Variants in TNRC6A observed in about 807,000 individuals in gnomAD.
TNRC6A encodes trinucleotide repeat containing adaptor 6A.
In TNRC6A, 44 loss-of-function variants were observed where a neutral mutation model predicts 221.2. The observed-to-expected ratio is 0.20, with a 90% CI of 0.16 to 0.26. The LOEUF (loss-of-function observed/expected upper bound fraction) is 0.26, where lower values mean the gene tolerates loss of function less well. Among genes scored for constraint, TNRC6A ranks in the 10% least tolerant of loss-of-function variants. TNRC6A has a pLI of 1.00. For missense variants in TNRC6A, 2,199 were observed against 2,404.4 expected (o/e 0.91, Z 1.79); for synonymous variants, 847 against 838.5 (o/e 1.01, Z -0.18).
intron 15 of TNRC6A, 74 bp downstream of exon 15, chr16:24,805,807 C>T: frequency 3.8e-6 from 6 of 1,587,108 alleles, no homozygotes; most frequent in South Asian, 2.3e-5. Flanking sequence ...AGACTCTGTG[C>T]GGGACATAGT....
chr16:24,719,710 G>A (rs778387780), intron 2 of TNRC6A, among the ~76,000 whole-genome samples: 4 of 151,786 alleles, frequency 2.6e-5, no homozygotes, highest in Non-Finnish European at 5.9e-5. Context: ...GTGTGGTAGT[G>A]TCCGTCTGTA....
At chr16:24,777,814 T>G (rs2057757895) in intron 5 of TNRC6A, among the ~76,000 whole-genome samples, 1 of 152,180 alleles carries the variant, frequency 6.6e-6, no homozygotes, top group Non-Finnish European at 1.5e-5. Context: ...ATAAAAAGAC[T>G]GGCACTCATA....
At position 24,785,403 on chromosome 16, in the gene TNRC6A, A is replaced by G. The variant is rs866424094; in HGVS notation, c.590-3829A>G. ...TTTCAAGTGTCTTCTATAGCCAGCA[A>G]TAAAATATAATCATATATGACTTTA... On this transcript the variant is annotated intron_variant, in intron 5 of 24. Transcript: ENST00000395799. Among the ~76,000 whole-genome samples the G allele has an allele frequency of 3.3e-5, 5 of 152,358 alleles. No homozygotes were observed. The South Asian group carries it at 6.2e-4, about 19-fold the overall frequency.
chr16:24,729,485 G>C (rs564010855), upstream of TNRC6A, among the ~76,000 whole-genome samples: 8 of 151,924 alleles, frequency 5.3e-5, no homozygotes, highest in South Asian at 1.7e-3. Flanking sequence ...CACTCCGCGG[G>C]GCGCCTCGGA....
At chr16:24,719,017 A>C (rs1596542298) in intron 2 of TNRC6A, among the ~76,000 whole-genome samples, 1 of 150,544 alleles carries the variant, frequency 6.6e-6, no homozygotes, top group East Asian at 1.9e-4. Context: ...AGCCTGGGTG[A>C]CAGAGCAAGA....
intron 2 of TNRC6A, among the ~76,000 whole-genome samples, chr16:24,715,703 C>T (rs1047760489): frequency 2.0e-5 from 3 of 151,160 alleles, no homozygotes; most frequent in Non-Finnish European, 2.9e-5. Context: ...CTGCAACCTC[C>T]GCCTCCCAGA....
At chr16:24,805,890 A>G (rs1056505795) in intron 15 of TNRC6A, among the ~76,000 whole-genome samples, 157 bp downstream of exon 15, 3 of 152,206 alleles carry the variant, frequency 2.0e-5, no homozygotes, top group Non-Finnish European at 4.4e-5. Flanking sequence ...GATCGTGAAC[A>G]TTTGTGAAGA....
Position 24,823,345 on chromosome 16 carries a change from C to A in TNRC6A, c.5514-87C>A. 6.7e-7 allele frequency: 1 copy of A among 1,490,660 alleles called. No individual in the cohort carries two copies. Among genetic ancestry groups the A allele is most frequent in the Non-Finnish European group, 9.0e-7 (1 of 1,110,184 alleles). 92.3% of individuals were successfully genotyped at this position (1,490,660 alleles called of 1,614,324 possible). ...TCTGTGCCTTCTGTGGCTTTTCTAG[C>A]AGAGACAAGTTGCACCCTCACTTGT... On this transcript the variant is annotated intron_variant, in intron 24 of 24. Transcript: ENST00000395799. The surrounding 1 kb of genome is among the most constrained non-coding windows in gnomAD (Gnocchi z 4.3).
chr16:24,745,985 A>G (rs1200964759), intron 2 of TNRC6A, among the ~76,000 whole-genome samples: 1 of 151,748 alleles, frequency 6.6e-6, no homozygotes, highest in Non-Finnish European at 1.5e-5. Context: ...TCCCTTTTTC[A>G]ATTCCAGTCA....
Position 24,823,093 on chromosome 16 carries a change from C to T in TNRC6A, c.5513+80C>T. ...GCACAGCCTGACCCGGGGCAGTGCA[C>T]AGGGTCCTGCGTGGGTGGCTCCTGC... is the stretch of plus-strand genomic sequence containing the variant. On this transcript the variant is annotated intron_variant, in intron 24 of 24. Coordinates refer to ENST00000395799, the MANE Select transcript of TNRC6A (RefSeq NM_014494.4). The surrounding 1 kb of genome is among the most constrained non-coding windows in gnomAD (Gnocchi z 4.3). 6.3e-7 allele frequency: 1 copy of T among 1,586,990 alleles called. No individual in the cohort carries two copies. Among genetic ancestry groups the T allele is most frequent in the Non-Finnish European group, 8.6e-7 (1 of 1,161,498 alleles).
intron 17 of TNRC6A, among the ~76,000 whole-genome samples, chr16:24,808,655 C>G (rs1896749449): frequency 6.6e-6 from 1 of 152,194 alleles, no homozygotes; most frequent in Non-Finnish European, 1.5e-5. Context: ...TCAGGTTTGA[C>G]AGACCTTAAC....
At chr16:24,672,199 G>T (rs11074644) in intron 2 of TNRC6A, among the ~76,000 whole-genome samples, 11,595 of 152,068 alleles carry the variant, frequency 0.076, 677 homozygotes, top group Admixed American at 0.16. Flanking sequence ...TCGGCTCACT[G>T]CAAGCTCCGC....
At chr16:24,659,816 C>A (rs569317221) in intron 2 of TNRC6A, among the ~76,000 whole-genome samples, 1 of 152,286 alleles carries the variant, frequency 6.6e-6, no homozygotes, top group East Asian at 1.9e-4. Flanking sequence ...AGATTTTCTT[C>A]ATGGCCTGAT....
At chr16:24,802,690 T>G (rs781329892) in intron 11 of TNRC6A, among the ~76,000 whole-genome samples, 1 of 152,166 alleles carries the variant, frequency 6.6e-6, no homozygotes, top group Non-Finnish European at 1.5e-5. Context: ...GATACCCTGA[T>G]AGTGAATGAA....
intron 2 of TNRC6A, among the ~76,000 whole-genome samples, chr16:24,679,097 G>A (rs2055478732): frequency 6.7e-6 from 1 of 148,498 alleles, no homozygotes; most frequent in Non-Finnish European, 1.5e-5. Context: ...CTCCCAGATT[G>A]AAGCAATTCT....
chr16:24,665,774 T>C (rs1271581474), intron 2 of TNRC6A, among the ~76,000 whole-genome samples: 1 of 152,172 alleles, frequency 6.6e-6, no homozygotes, highest in East Asian at 1.9e-4. Context: ...TCTCCTCTGG[T>C]TGAGAACTAC....
Position 24,790,829 on chromosome 16 carries a change from G to A in TNRC6A, c.2187G>A (p.Lys729=). The A allele has an allele frequency of 6.2e-7, 1 of 1,614,126 alleles. No individual in the cohort carries two copies. The highest frequency in any genetic ancestry group is 8.5e-7 in the Non-Finnish European group (1 of 1,180,034). The change falls in exon 6 of 25, where the codon AAG becomes AAA. Residue 729 remains lysine (K), a synonymous_variant. Transcript: ENST00000395799. Reference sequence around the variant, plus strand: ...CTGGTTGGGGACAGACTCCTATTAAGCAGAATACTGCCTGGGATACAGAAA... The same window carrying A: ...CTGGTTGGGGACAGACTCCTATTAAACAGAATACTGCCTGGGATACAGAAA... The part of the protein sequence containing the change: ...SNSGWGQTPI[K]QNTAWDTETS...
chr16:24,681,839 A>G (rs1410559467), intron 2 of TNRC6A, among the ~76,000 whole-genome samples: 3 of 152,208 alleles, frequency 2.0e-5, no homozygotes, highest in African/African-American at 4.8e-5. Flanking sequence ...TCACACTACC[A>G]TAATTATTTC....
In TNRC6A at chr16:24,777,131, A is replaced by AGCC. The variant is rs1825122758; in HGVS notation, c.363_365dup (p.Pro122dup). 1.2e-6 allele frequency: 2 copies of AGCC among 1,611,992 alleles called. No individual in the cohort carries two copies. The highest frequency in any genetic ancestry group is 2.2e-5 in the East Asian group (1 of 44,520). ...CCACAGCCGCAGCCGCAGCAGCAGC[A>AGCC]GCCACAGCAGCAGCCACAGGCCTTG... On this transcript the variant is annotated inframe_insertion, in exon 5 of 25. Transcript: ENST00000395799.
Sources: allele counts gnomAD v4.1 joint callset (sites outside exome capture counted in the v4.1 genomes callset), GRCh38; gene constraint gnomAD v4.1.1; non-coding constraint Gnocchi (gnomAD v3.1); transcripts MANE v1.5; gene names NCBI Gene and HGNC (gene_info 2026-07-23, HGNC 2026-07-21).